The following PRH1 variants were observed in gnomAD, a reference collection of about 807,000 sequenced individuals.
PRH1 encodes the protein proline rich protein HaeIII subfamily 1.
A neutral mutation model predicts 7.9 loss-of-function variants in PRH1; 7 were observed. The observed-to-expected ratio is 0.89, with a 90% CI of 0.50 to 1.67. PRH1 has a LOEUF of 1.67. Among genes scored for constraint, PRH1 ranks in the 40% most tolerant of loss-of-function variants. PRH1 has a pLI of 0.00. For synonymous variants in PRH1, 45 were observed against 80.8 expected, an observed-to-expected ratio of 0.56 and a Z score of 2.38; for missense variants, 109 against 223.6, an observed-to-expected ratio of 0.49 and a Z score of 3.27.
chr12:11,138,230 A>C (rs1946609569), intron 1 of PRH1, among the ~76,000 whole-genome samples: 1 of 152,184 alleles, frequency 6.6e-6, no homozygotes, highest in African/African-American at 2.4e-5. Context: ...TAATAGCATC[A>C]TTAGCAAGCC....
intron 2 of PRH1, among the ~76,000 whole-genome samples, chr12:10,912,286 T>C (rs1416463318): frequency 6.6e-6 from 1 of 152,176 alleles, no homozygotes; most frequent in Non-Finnish European, 1.5e-5. Flanking sequence ...TACATTTCTA[T>C]GATCTTGATC....
At chr12:11,072,959 G>A (rs1367841952) in intron 1 of PRH1, among the ~76,000 whole-genome samples, 1 of 151,628 alleles carries the variant, frequency 6.6e-6, no homozygotes, top group Non-Finnish European at 1.5e-5. Flanking sequence ...AGTAATTGGT[G>A]CAATAACCAG....
intron 1 of PRH1, among the ~76,000 whole-genome samples, chr12:11,025,702 C>T (rs546632156): frequency 1.3e-5 from 2 of 152,414 alleles, no homozygotes; most frequent in Middle Eastern, 3.4e-3. Context: ...GTGTTACCCT[C>T]TAGCTCTGTG....
intron 1 of PRH1, among the ~76,000 whole-genome samples, chr12:11,068,209 C>T (rs1040541787): frequency 6.6e-6 from 1 of 152,174 alleles, no homozygotes; most frequent in East Asian, 1.9e-4. Context: ...CGTTTATCTC[C>T]TCCCTCCTGA....
intron 1 of PRH1, among the ~76,000 whole-genome samples, chr12:11,036,646 T>C (rs1433322520): frequency 6.6e-6 from 1 of 152,268 alleles, no homozygotes; most frequent in African/African-American, 2.4e-5. Context: ...ATTATTTGCA[T>C]AAGCAATGTA....
intron 1 of PRH1, among the ~76,000 whole-genome samples, chr12:11,039,800 C>T (rs1942629116): frequency 6.6e-6 from 1 of 152,216 alleles, no homozygotes; most frequent in Non-Finnish European, 1.5e-5. Flanking sequence ...TGTTTACAAG[C>T]TCATTCATAC....
chr12:11,073,184 T>C (rs369397295), intron 1 of PRH1, among the ~76,000 whole-genome samples: 3,835 of 55,662 alleles, frequency 0.069, 256 homozygotes, highest in Non-Finnish European at 0.099. Flanking sequence ...CAGGCTAGAG[T>C]GCACTGGTGC....
upstream of PRH1, among the ~76,000 whole-genome samples, chr12:10,886,506 T>C (rs1453652227): frequency 6.6e-6 from 1 of 152,110 alleles, no homozygotes; most frequent in African/African-American, 2.4e-5. Context: ...ATGCTCTCAC[T>C]AGACACATCA....
intron 1 of PRH1, among the ~76,000 whole-genome samples, chr12:11,044,116 T>C (rs1384205554): frequency 2.0e-5 from 3 of 152,056 alleles, no homozygotes; most frequent in African/African-American, 7.2e-5. Context: ...CGGAATAGAA[T>C]AGACAACTTG....
At chr12:10,930,096 A>G (rs1013789457) in intron 2 of PRH1, among the ~76,000 whole-genome samples, 8 of 152,124 alleles carry the variant, frequency 5.3e-5, no homozygotes, top group African/African-American at 1.7e-4. Context: ...TGTAGTAACA[A>G]TCCTGCTTTC....
At chr12:11,140,994 G>A (rs1946685645) in intron 1 of PRH1, among the ~76,000 whole-genome samples, 1 of 136,404 alleles carries the variant, frequency 7.3e-6, no homozygotes, top group South Asian at 2.2e-4. Flanking sequence ...AAACCTGGTT[G>A]CTACTAAGTA....
intron 2 of PRH1, among the ~76,000 whole-genome samples, chr12:10,945,348 G>A (rs932200584): frequency 2.6e-5 from 4 of 152,136 alleles, no homozygotes; most frequent in African/African-American, 9.7e-5. Context: ...CTAAGTGTCA[G>A]CCAGTCTGAG....
At chr12:11,008,718 T>A (rs1381759397) in intron 1 of PRH1, among the ~76,000 whole-genome samples, 1 of 152,150 alleles carries the variant, frequency 6.6e-6, no homozygotes, top group Non-Finnish European at 1.5e-5. Flanking sequence ...TTTATTTCTT[T>A]TCATTTCTCT....
chr12:11,064,309 A>T (rs1591930916), intron 1 of PRH1, among the ~76,000 whole-genome samples: 2 of 152,202 alleles, frequency 1.3e-5, no homozygotes, highest in East Asian at 3.9e-4. Context: ...TGGACTCAAC[A>T]TTGTGTTTCT....
At chr12:11,071,110 T>A (rs3863326) in intron 1 of PRH1, among the ~76,000 whole-genome samples, 58,827 of 117,016 alleles carry the variant, frequency 0.5, 14,163 homozygotes, top group Non-Finnish European at 0.59. Context: ...CACATTTTTC[T>A]AACTATGTGC....
At chr12:11,096,431 G>A (rs1326610229) in intron 1 of PRH1, among the ~76,000 whole-genome samples, 1 of 114,882 alleles carries the variant, frequency 8.7e-6, no homozygotes, top group African/African-American at 2.9e-5. Flanking sequence ...GTTTTCTAAC[G>A]GAGAAACTAA....
chr12:11,134,266 T>A, intron 1 of PRH1: 1 of 1,590,296 alleles, frequency 6.3e-7, no homozygotes, highest in Non-Finnish European at 8.5e-7. Flanking sequence ...CAAAAAGAAA[T>A]TTTTAAAATG....
At chr12:11,152,085 TTTAA>T (rs1195730382) in intron 1 of PRH1, among the ~76,000 whole-genome samples, 2 of 152,006 alleles carry the variant, frequency 1.3e-5, no homozygotes, top group African/African-American at 2.4e-5. Flanking sequence ...TTCTTCTTTT[TTTAA>T]TTATTATTAT....
intron 1 of PRH1, among the ~76,000 whole-genome samples, chr12:11,146,921 T>C (rs779890296): frequency 2.6e-5 from 4 of 152,196 alleles, no homozygotes; most frequent in African/African-American, 4.8e-5. Context: ...CCTTTTGTTG[T>C]CTATTGCATC....
Sources: allele counts gnomAD v4.1 joint callset (sites outside exome capture counted in the v4.1 genomes callset), GRCh38; gene constraint gnomAD v4.1.1; transcripts MANE v1.5; gene names NCBI Gene and HGNC (gene_info 2026-07-23, HGNC 2026-07-21).